FASTKD1: variants seen among roughly 807,000 people sequenced by gnomAD.
FASTKD1 encodes the protein FAST kinase domain-containing protein 1, mitochondrial.
FASTKD1 carries 94 observed loss-of-function variants against 90.9 expected under a neutral mutation model. The ratio of observed to expected loss-of-function variants is 1.03; its 90% CI spans 0.88 to 1.23. The LOEUF (loss-of-function observed/expected upper bound fraction) is 1.23, where lower values mean the gene tolerates loss of function less well. Among genes scored for constraint, FASTKD1 ranks in the 50% most tolerant of loss-of-function variants. The probability of loss-of-function intolerance (pLI) is 0.00; values close to 1 mark genes in which losing one functional copy is unlikely to be tolerated. For synonymous variants in FASTKD1, 319 were observed against 345.8 expected, an observed-to-expected ratio of 0.92 and a Z score of 0.86; for missense variants, 945 against 993.5, an observed-to-expected ratio of 0.95 and a Z score of 0.66.
intron 5 of FASTKD1, among the ~76,000 whole-genome samples, chr2:169,559,435 T>G (rs991985659): frequency 6.6e-6 from 1 of 152,184 alleles, no homozygotes; most frequent in Non-Finnish European, 1.5e-5. Flanking sequence ...TTTTTTTCTT[T>G]TATTTTTTCT....
At chr2:169,541,821 G>C (rs1011786149) in intron 9 of FASTKD1, among the ~76,000 whole-genome samples, 3 of 152,042 alleles carry the variant, frequency 2.0e-5, no homozygotes, top group African/African-American at 7.3e-5. Context: ...ACCAGTCTCT[G>C]GCTGTCTCTC....
intron 7 of FASTKD1, among the ~76,000 whole-genome samples, chr2:169,549,176 C>T (rs1685371764): frequency 6.6e-6 from 1 of 152,038 alleles, no homozygotes; most frequent in South Asian, 2.1e-4. Context: ...GGGCGGATTA[C>T]CTGAGGTCGG....
In FASTKD1 at chr2:169,544,811, T is replaced by A; in HGVS notation, c.1726A>T (p.Ile576Phe). 1 of 1,610,562 alleles carries A rather than the reference T, an allele frequency of 6.2e-7. No homozygotes were observed. Among genetic ancestry groups the A allele is most frequent in the Non-Finnish European group, 8.5e-7 (1 of 1,177,106 alleles). The change falls in exon 9 of 15, where the codon ATT becomes TTT. Residue 576 changes from isoleucine (I) to phenylalanine (F), a missense_variant. Transcript: ENST00000453153. ...EKIHPFTIPA[I>F]IRPFSVLNYD... ...TTCAATACGCTGAATGGACGAATAA[T>A]AGCAGGGATTGTAAAAGGATGGATC... is the stretch of plus-strand genomic sequence containing the variant.
intron 11 of FASTKD1, among the ~76,000 whole-genome samples, chr2:169,537,612 G>C (rs1043536759): frequency 6.6e-6 from 1 of 152,076 alleles, no homozygotes; most frequent in Non-Finnish European, 1.5e-5. Context: ...TCGAACTCCT[G>C]ACCTCAGGTG....
chr2:169,567,545 C>G (rs929486770), intron 3 of FASTKD1, among the ~76,000 whole-genome samples: 7 of 152,198 alleles, frequency 4.6e-5, no homozygotes, highest in Admixed American at 4.6e-4. Flanking sequence ...ATTTCTAAAT[C>G]TGGAGAACTG....
At chr2:169,536,379 T>A (rs984947011) in intron 12 of FASTKD1, among the ~76,000 whole-genome samples, 1 of 152,090 alleles carries the variant, frequency 6.6e-6, no homozygotes, top group Non-Finnish European at 1.5e-5. Flanking sequence ...TAATTGTCAC[T>A]GTCTCTTAAA....
chr2:169,545,868 C>A (rs1311452971), intron 8 of FASTKD1, among the ~76,000 whole-genome samples: 1 of 152,180 alleles, frequency 6.6e-6, no homozygotes, highest in Non-Finnish European at 1.5e-5. Context: ...TCCAAATCTA[C>A]AATGCCGGAA....
chr2:169,560,354 C>CA (rs1295534181), intron 5 of FASTKD1, 33 bp downstream of exon 5: 1 of 1,503,684 alleles, frequency 6.7e-7, no homozygotes, highest in Non-Finnish European at 8.8e-7. Context: ...GTATTCACAA[C>CA]AAAAAAAGTA....
At chr2:169,531,573 CATATA>C in intron 12 of FASTKD1, 83 bp from the exon 13 acceptor site, 1 of 1,056,938 alleles carries the variant, frequency 9.5e-7, no homozygotes, top group East Asian at 2.6e-5. Context: ...AATATATATG[CATATA>C]ATATTTGTAC....
chr2:169,540,150 GAAACACTAATATA>G lies in FASTKD1; in HGVS notation c.1833_1845del (p.Ile612LeufsTer16). On this transcript the variant is annotated frameshift_variant, in exon 10 of 15. Transcript: ENST00000453153. LOFTEE classifies it high-confidence loss of function. ...TCAAGTGTGGCCAAAGAGAAACCAA[GAAACACTAATATA>G]AAAGGATCCAATATACCTAAAAGAA... 1 of 1,594,962 alleles carries G rather than the reference GAAACACTAATATA, an allele frequency of 6.3e-7. No homozygotes were observed. The highest frequency in any genetic ancestry group is 8.6e-7 in the Non-Finnish European group (1 of 1,166,278).
chr2:169,546,518 C>T lies in FASTKD1; in HGVS notation c.1401G>A (p.Met467Ile). 3 of 1,614,042 alleles carry T rather than the reference C, an allele frequency of 1.9e-6. No individual in the cohort carries two copies. Among genetic ancestry groups the T allele is most frequent in the Non-Finnish European group, 2.5e-6 (3 of 1,180,020 alleles). ...SVLRWIQHDH[M>I]YLDNMTAKQL... ...GTTTCGCAGTCATATTATCCAAATA[C>T]ATGTGATCATGCTGAATCCATCTTA... The change falls in exon 8 of 15, where the codon ATG (methionine) becomes ATA (isoleucine). Residue 467 changes from methionine to isoleucine, a missense_variant. Met to Ile is a conservative substitution (Grantham distance 10). Coordinates refer to ENST00000453153, the MANE Select transcript of FASTKD1 (RefSeq NM_024622.6).
chr2:169,530,903 T>C lies in FASTKD1; in HGVS notation c.2328-202A>G, dbSNP rs1684451723. 4 of 695,512 alleles carry C rather than the reference T, an allele frequency of 5.8e-6. 1 individual carries two copies. The South Asian group carries it at 5.9e-5, about 10-fold the overall frequency. 43.1% of individuals were successfully genotyped at this position (695,512 alleles called of 1,614,324 possible). ...TACACAAAATTATTGTAAATATTTG[T>C]CTGCTTTCATCCATTTTTTTGGTCC... On this transcript the variant is annotated intron_variant, in intron 13 of 14. Transcript: ENST00000453153.
chr2:169,558,068 C>T (rs1683409747), intron 5 of FASTKD1, among the ~76,000 whole-genome samples: 1 of 152,194 alleles, frequency 6.6e-6, no homozygotes, highest in African/African-American at 2.4e-5. Context: ...ATCCATATCA[C>T]TAATTTTATT....
In FASTKD1 at chr2:169,537,240, A is replaced by C. The variant is rs758586669; in HGVS notation, c.2175T>G (p.Tyr725Ter). Residue 725 changes from tyrosine (Y) to a stop codon, truncating the protein, a stop_gained, in exon 12 of 15, where the codon TAT becomes TAG. Transcript: ENST00000453153. LOFTEE classifies it high-confidence loss of function. Reference protein sequence around the residue: ...NCVKASVLTPYYHKVDFECIL... With the variant: ...NCVKASVLTP The stretch of plus-strand genomic sequence containing the variant: ...CCAATAACTTACCTACTTTGTGGTA[A>C]TAAGGCGTAAGAACCGAGGCTTTTA... The C allele has an allele frequency of 1.0e-5, 16 of 1,603,574 alleles. No homozygotes were observed. Among genetic ancestry groups the C allele is most frequent in the Non-Finnish European group, 1.4e-5 (16 of 1,171,040 alleles).
intron 8 of FASTKD1, among the ~76,000 whole-genome samples, chr2:169,545,807 T>C (rs1223313875): frequency 6.6e-6 from 1 of 152,236 alleles, no homozygotes; most frequent in African/African-American, 2.4e-5. Flanking sequence ...CCTCAAAGAA[T>C]TGATTACTAA....
intron 11 of FASTKD1, 103 bp downstream of exon 11, chr2:169,537,910 G>T: frequency 2.1e-6 from 2 of 953,342 alleles, no homozygotes; most frequent in Non-Finnish European, 3.1e-6. Context: ...GGCACTCTTG[G>T]GAAGGCTCGT....
At position 169,544,847 on chromosome 2, in the gene FASTKD1, G is replaced by C; in HGVS notation, c.1702-12C>G. On this transcript the variant is annotated splice_polypyrimidine_tract_variant and intron_variant, in intron 8 of 14. Transcript: ENST00000453153. ...GTAAAAGGATGGATCTGTATAAAAA[G>C]AACAAAAAATTTATAGTTTAAACTT... 6.8e-7 allele frequency: 1 copy of C among 1,466,308 alleles called. No individual in the cohort carries two copies. The highest frequency in any genetic ancestry group is 9.4e-7 in the Non-Finnish European group (1 of 1,068,680). The allele number at this position is 1,466,308 out of a possible 1,614,324, so 90.8% of individuals were successfully genotyped here.
rs1684758230 is a variant in FASTKD1, at chr2:169,537,221, A to C, written c.2188+6T>G. ...AAAGTAACTAATAACCTACCCAATA[A>C]CTTACCTACTTTGTGGTAATAAGGC... is the stretch of plus-strand genomic sequence containing the variant. On this transcript the variant is annotated splice_donor_region_variant and intron_variant, in intron 12 of 14. Transcript: ENST00000453153. 6.6e-7 allele frequency: 1 copy of C among 1,516,738 alleles called. No individual in the cohort carries two copies. The highest frequency in any genetic ancestry group is 9.2e-7 in the Non-Finnish European group (1 of 1,092,282). The allele number at this position is 1,516,738 out of a possible 1,614,324, so 94.0% of individuals were successfully genotyped here.
chr2:169,538,075 A>G lies in FASTKD1; in HGVS notation c.2012T>C (p.Leu671Ser). ...TGGAATCTGAAACTCAGGGCATTCC[A>G]AGCAGACTGATCTATTTAACTCCAT... ...HLMELNRSVCLECPEFQIPWF... is the reference protein window; with the variant it reads ...HLMELNRSVCSECPEFQIPWF... The change falls in exon 11 of 15, where the codon TTG becomes TCG. Residue 671 changes from leucine to serine, a missense_variant. Leu to Ser is a moderately radical substitution (Grantham distance 145, BLOSUM62 -2). Transcript: ENST00000453153. 1 of 1,612,704 alleles carries G rather than the reference A, an allele frequency of 6.2e-7. No homozygotes were observed. The highest frequency in any genetic ancestry group is 1.7e-5 in the Admixed American group (1 of 59,800).
Sources: allele counts gnomAD v4.1 joint callset (sites outside exome capture counted in the v4.1 genomes callset), GRCh38; gene constraint gnomAD v4.1.1; transcripts MANE v1.5; gene names NCBI Gene and HGNC (gene_info 2026-07-23, HGNC 2026-07-21).